The following FRAS1 variants were observed in gnomAD, a reference collection of about 807,000 sequenced individuals.
FRAS1 encodes the protein extracellular matrix organizing protein FRAS1.
FRAS1 carries 290 observed loss-of-function variants against 435.2 expected under a neutral mutation model. The observed-to-expected ratio is 0.67, with a 90% CI of 0.61 to 0.73. The LOEUF is 0.73. Among genes scored for constraint, FRAS1 ranks in the 30% least tolerant of loss-of-function variants. The pLI, the probability that FRAS1 is intolerant of heterozygous loss-of-function variation, is 0.00. For synonymous variants in FRAS1, 1,800 were observed against 1,851.0 expected (o/e 0.97, Z 0.71); for missense variants, 4,860 against 5,001.5 (o/e 0.97, Z 0.85).
chr4:78,142,232 G>A (rs1289792592), intron 2 of FRAS1, among the ~76,000 whole-genome samples: 1 of 151,982 alleles, frequency 6.6e-6, no homozygotes, highest in Non-Finnish European at 1.5e-5. Context: ...GTAAGAGTGA[G>A]CAGGAAATAG....
rs1739538299 is a variant in FRAS1 at position 78,057,770 on chromosome 4, C to CG, written c.-235dup. On this transcript the variant is annotated 5_prime_UTR_variant, in exon 1 of 74. Transcript: ENST00000512123. The surrounding 1 kb of genome is among the most constrained non-coding windows in gnomAD (Gnocchi z 4.2). ...AAGCTCACGTTGGCGTCCTGCCTTG[C>CG]GGGGGAACTCGGCGCGCTCTCTGCC... The CG allele has an allele frequency of 3.6e-6, 2 of 553,076 alleles. No individual in the cohort carries two copies. Among genetic ancestry groups the CG allele is most frequent in the Non-Finnish European group, 3.2e-6 (1 of 311,346 alleles). 34.3% of individuals were successfully genotyped at this position (553,076 alleles called of 1,614,324 possible).
At chr4:78,521,820 C>T (rs1322976112) in intron 68 of FRAS1, among the ~76,000 whole-genome samples, 190 bp downstream of exon 68, 8 of 152,164 alleles carry the variant, frequency 5.3e-5, no homozygotes, top group African/African-American at 1.4e-4. Context: ...TTGCAGACTT[C>T]GTGTCAAGTT....
At position 78,251,632 on chromosome 4, in the gene FRAS1, T is replaced by G. The variant is rs1300508288; in HGVS notation, c.310-760T>G. On this transcript the variant is annotated intron_variant, in intron 4 of 73. Transcript: ENST00000512123. ...AGCACCAGTACACTGCACACCTGGG[T>G]GGCTCTTTAGCAGGCTAGCTCATTT... Among the ~76,000 whole-genome samples the G allele has an allele frequency of 2.6e-5, 4 of 152,228 alleles. No individual in the cohort carries two copies. In the East Asian group the frequency reaches 7.7e-4, roughly 29 times the overall value.
At chr4:78,201,524 G>T (rs937111123) in intron 2 of FRAS1, among the ~76,000 whole-genome samples, 1 of 152,224 alleles carries the variant, frequency 6.6e-6, no homozygotes, top group East Asian at 1.9e-4. Flanking sequence ...TGAGGAATTG[G>T]CCTATGAGAG....
intron 2 of FRAS1, among the ~76,000 whole-genome samples, chr4:78,220,553 A>C (rs1412533545): frequency 6.6e-6 from 1 of 152,250 alleles, no homozygotes; most frequent in African/African-American, 2.4e-5. Flanking sequence ...GTATAGCTAC[A>C]GTCTTGTTCT....
chr4:78,415,054 A>G (rs141168597), intron 32 of FRAS1, among the ~76,000 whole-genome samples: 1,557 of 152,266 alleles, frequency 0.01, 13 homozygotes, highest in Non-Finnish European at 0.016. Context: ...TAGAATCACT[A>G]TAGAGTTGAT....
At chr4:78,188,904 C>T (rs181882666) in intron 2 of FRAS1, among the ~76,000 whole-genome samples, 1 of 152,330 alleles carries the variant, frequency 6.6e-6, no homozygotes, top group East Asian at 1.9e-4. Context: ...GATGGACAGT[C>T]ATAAAAACAC....
At chr4:78,430,946 TA>T (rs1345242876) in intron 37 of FRAS1, among the ~76,000 whole-genome samples, 1 of 152,176 alleles carries the variant, frequency 6.6e-6, no homozygotes, top group Non-Finnish European at 1.5e-5. Context: ...CCTTTGATTA[TA>T]AAAAATAATA....
intron 2 of FRAS1, among the ~76,000 whole-genome samples, chr4:78,094,713 A>G (rs950039374): frequency 5.9e-5 from 9 of 152,134 alleles, no homozygotes; most frequent in Admixed American, 5.9e-4. Context: ...CTTTAATAGA[A>G]CCTGTTTATA....
intron 2 of FRAS1, among the ~76,000 whole-genome samples, chr4:78,103,865 G>A (rs989106481): frequency 2.6e-5 from 4 of 152,150 alleles, no homozygotes; most frequent in African/African-American, 7.2e-5. Flanking sequence ...TTTTGTTATA[G>A]CGGCCTAAAT....
Position 78,430,325 on chromosome 4 carries a change from C to A in FRAS1, c.4877C>A (p.Ala1626Glu). The A allele has an allele frequency of 6.2e-7, 1 of 1,613,850 alleles. No homozygotes were observed. The highest frequency in any genetic ancestry group is 8.5e-7 in the Non-Finnish European group (1 of 1,179,838). ...LQVVVRDAET[A>E]PKELFFELRR... Reference sequence around the variant, plus strand: ...GTGGTAGTAAGAGATGCTGAGACAGCGCCCAAAGAACTCTTCTTTGAGCTT... The same window carrying A: ...GTGGTAGTAAGAGATGCTGAGACAGAGCCCAAAGAACTCTTCTTTGAGCTT... Residue 1626 changes from alanine to glutamate, a missense_variant, in exon 37 of 74, where the codon GCG becomes GAG. Transcript: ENST00000512123.
chr4:78,141,287 CA>C (rs1456187918), intron 2 of FRAS1, among the ~76,000 whole-genome samples: 2 of 152,266 alleles, frequency 1.3e-5, no homozygotes, highest in Admixed American at 6.5e-5. Context: ...TTACTCCTAG[CA>C]TACACAAACT....
intron 14 of FRAS1, among the ~76,000 whole-genome samples, chr4:78,295,672 C>T (rs55944380): frequency 0.014 from 2,083 of 152,130 alleles, 52 homozygotes; most frequent in African/African-American, 0.047. Context: ...TAAATAACTA[C>T]ACTAATGTGA....
intron 2 of FRAS1, among the ~76,000 whole-genome samples, chr4:78,116,104 G>T (rs989525974): frequency 6.6e-6 from 1 of 152,140 alleles, no homozygotes; most frequent in Non-Finnish European, 1.5e-5. Flanking sequence ...AGTCATTCAG[G>T]AGCAGGTTAT....
chr4:78,535,213 G>A (rs552848610), intron 71 of FRAS1, among the ~76,000 whole-genome samples: 2 of 152,040 alleles, frequency 1.3e-5, no homozygotes, highest in Non-Finnish European at 2.9e-5. Flanking sequence ...TGCCCCTTCC[G>A]TGTTAGTGTC....
Position 78,088,228 on chromosome 4 carries a change from T to G in FRAS1, c.108+22212T>G, listed in dbSNP as rs962557901. ...GCTGGGAAAACTGGCTAGCCATATG[T>G]AGAAAGCTGAAACTGGATCCCTTCC... On this transcript the variant is annotated intron_variant, in intron 2 of 73. Coordinates refer to ENST00000512123, the MANE Select transcript of FRAS1 (RefSeq NM_025074.7). Among the ~76,000 whole-genome samples the G allele has an allele frequency of 1.8e-4, 28 of 152,186 alleles. 1 individual carries two copies. Among genetic ancestry groups the G allele is most frequent in the Admixed American group, 1.3e-4 (2 of 15,270 alleles).
chr4:78,401,275 T>TA (rs1164547754), intron 30 of FRAS1, among the ~76,000 whole-genome samples: 2 of 152,076 alleles, frequency 1.3e-5, no homozygotes, highest in South Asian at 4.2e-4. Flanking sequence ...TAATGAGACT[T>TA]AAAAAAAATA....
At chr4:78,166,378 C>T (rs995730345) in intron 2 of FRAS1, among the ~76,000 whole-genome samples, 25 of 151,978 alleles carry the variant, frequency 1.6e-4, no homozygotes, top group African/African-American at 6.0e-4. Flanking sequence ...GAATTATTTA[C>T]CAAGCCTTGA....
chr4:78,308,086 G>A lies in FRAS1; in HGVS notation c.1555G>A (p.Gly519Ser). 1 of 1,613,248 alleles carries A rather than the reference G, an allele frequency of 6.2e-7. No homozygotes were observed. The highest frequency in any genetic ancestry group is 1.1e-5 in the South Asian group (1 of 91,008). Residue 519 changes from glycine (G) to serine (S), a missense_variant, in exon 15 of 74, where the codon GGT becomes AGT. Coordinates refer to ENST00000512123, the MANE Select transcript of FRAS1 (RefSeq NM_025074.7). ...TGCAGTCTGCCATGAGTCCTGTGCA[G>A]GTTGCTGGGGCCCAACGGAGAAGCA... ...SCAVCHESCA[G>S]CWGPTEKHCL...
Sources: allele counts gnomAD v4.1 joint callset (sites outside exome capture counted in the v4.1 genomes callset), GRCh38; gene constraint gnomAD v4.1.1; non-coding constraint Gnocchi (gnomAD v3.1); transcripts MANE v1.5; gene names NCBI Gene and HGNC (gene_info 2026-07-23, HGNC 2026-07-21).